The following CPZ variants were observed in gnomAD, a reference collection of about 807,000 sequenced individuals.
CPZ encodes VEZT/CPZ fusion.
CPZ carries 103 observed loss-of-function variants against 61.8 expected under a neutral mutation model. The observed-to-expected ratio is 1.67, with a 90% CI of 1.42 to 1.96. CPZ has a LOEUF of 1.96. Among genes scored for constraint, CPZ ranks in the 30% most tolerant of loss-of-function variants. CPZ has a pLI of 0.00. For missense variants in CPZ, 1,461 were observed against 914.9 expected (o/e 1.60, Z -7.70); for synonymous variants, 551 against 373.7 (o/e 1.47, Z -5.47).
At chr4:8,611,173 C>G in intron 7 of CPZ, 1 of 444,520 alleles carries the variant, frequency 2.2e-6, no homozygotes, top group South Asian at 1.6e-5. Context: ...AGGGAGCCCC[C>G]TCCTCAGCAC....
chr4:8,599,739 C>A, intron 2 of CPZ: 1 of 811,052 alleles, frequency 1.2e-6, no homozygotes, highest in Non-Finnish European at 1.8e-6. Context: ...ATGTCCTCTC[C>A]ATCCCTCTCC....
intron 9 of CPZ, among the ~76,000 whole-genome samples, chr4:8,617,501 A>T (rs1350375212): frequency 1.3e-5 from 2 of 152,210 alleles, no homozygotes; most frequent in Non-Finnish European, 2.9e-5. Flanking sequence ...ACAACAGTCG[A>T]CATAAAGATG....
chr4:8,617,108 T>G (rs6835706), intron 9 of CPZ, among the ~76,000 whole-genome samples: 40,701 of 152,030 alleles, frequency 0.27, 5,820 homozygotes, highest in East Asian at 0.43. Flanking sequence ...AGCAGTTAGG[T>G]GCCACAGGGT....
chr4:8,593,954 C>A (rs1209920817), intron 1 of CPZ, among the ~76,000 whole-genome samples: 2 of 152,170 alleles, frequency 1.3e-5, no homozygotes, highest in Non-Finnish European at 2.9e-5. Flanking sequence ...TGGGCCTCCC[C>A]TTGGCCCCTG....
chr4:8,609,168 TCACCCATTCACTCAGG>T (rs1715369871), intron 7 of CPZ, among the ~76,000 whole-genome samples: 2 of 42,402 alleles, frequency 4.7e-5, no homozygotes, highest in Middle Eastern at 0.012. Context: ...ACTCATTCAC[TCACCCATTCACTCAGG>T]CATTCACTCA....
At chr4:8,598,750 C>T (rs1413591600) in intron 1 of CPZ, among the ~76,000 whole-genome samples, 1 of 152,270 alleles carries the variant, frequency 6.6e-6, no homozygotes, top group African/African-American at 2.4e-5. Flanking sequence ...TAGCAGCCAG[C>T]ATTGCTTAGG....
At chr4:8,605,350 T>TC (rs869174559) in intron 4 of CPZ, among the ~76,000 whole-genome samples, 5 of 21,410 alleles carry the variant, frequency 2.3e-4, no homozygotes, top group Non-Finnish European at 4.1e-4. Context: ...ATCCATCCAT[T>TC]TATTCATTCA....
intron 10 of CPZ, 148 bp from the exon 11 acceptor site, chr4:8,619,114 G>A (rs1392944395): frequency 3.0e-6 from 2 of 660,594 alleles, no homozygotes; most frequent in Non-Finnish European, 2.6e-6. Context: ...AAAGGGGTGG[G>A]AAGGACGTTC....
In CPZ at chr4:8,601,186, C is replaced by T. The variant is rs772695976; in HGVS notation, c.185C>T (p.Pro62Leu). 6.2e-7 allele frequency: 1 copy of T among 1,611,674 alleles called. No individual in the cohort carries two copies. Among genetic ancestry groups the T allele is most frequent in the Non-Finnish European group, 8.5e-7 (1 of 1,178,710 alleles). The change falls in exon 3 of 11, where the codon CCC becomes CTC. Residue 62 changes from proline (P) to leucine (L), a missense_variant. Physicochemically the swap from Pro to Leu is moderately conservative, Grantham distance 98. Coordinates refer to ENST00000360986, the MANE Select transcript of CPZ (RefSeq NM_001014447.3). ...SDAAYNHTTF[P>L]NLLQHRSWEV... ...GCCGCCTACAACCACACCACCTTCC[C>T]CAACCTGCTTCAGCACCGGTCGTGG...
intron 8 of CPZ, 50 bp from the exon 9 acceptor site, chr4:8,614,309 G>T (rs1427091530): frequency 3.2e-6 from 5 of 1,584,754 alleles, no homozygotes; most frequent in Non-Finnish European, 4.3e-6. Context: ...CGTCCCGGCT[G>T]TCTCTGTGCG....
intron 8 of CPZ, among the ~76,000 whole-genome samples, chr4:8,613,495 C>G (rs1164414375): frequency 6.6e-6 from 1 of 152,174 alleles, no homozygotes; most frequent in African/African-American, 2.4e-5. Flanking sequence ...GCTAGCTGGA[C>G]CAGAGAGACG....
At chr4:8,616,447 T>A (rs563271077) in intron 9 of CPZ, among the ~76,000 whole-genome samples, 8 of 152,212 alleles carry the variant, frequency 5.3e-5, no homozygotes, top group Admixed American at 1.3e-4. Context: ...GGAGAGCCCC[T>A]GCTCTCGGGT....
At chr4:8,605,595 T>TGATATATCC (rs1714908544) in intron 4 of CPZ, among the ~76,000 whole-genome samples, 1 of 103,492 alleles carries the variant, frequency 9.7e-6, no homozygotes, top group Non-Finnish European at 1.8e-5. Context: ...AGCCAGCCAT[T>TGATATATCC]ATTCATCCAT....
At chr4:8,599,233 A>G (rs566487777) in intron 1 of CPZ, among the ~76,000 whole-genome samples, 110 of 152,302 alleles carry the variant, frequency 7.2e-4, no homozygotes, top group African/African-American at 2.6e-3. Context: ...GTCTGTCCTT[A>G]GGCAGGTCAT....
chr4:8,598,921 C>T (rs1317454119), intron 1 of CPZ, among the ~76,000 whole-genome samples: 5 of 152,186 alleles, frequency 3.3e-5, no homozygotes, highest in South Asian at 2.1e-4. Context: ...GAGGCCACAC[C>T]CTGGTGGTGT....
chr4:8,618,165 G>C, intron 9 of CPZ: 2 of 481,032 alleles, frequency 4.2e-6, no homozygotes, highest in South Asian at 2.2e-5. Flanking sequence ...TAGAGATGGA[G>C]TCAGCCAGGC....
At chr4:8,608,688 G>A (rs1043615470) in intron 7 of CPZ, among the ~76,000 whole-genome samples, 1 of 141,416 alleles carries the variant, frequency 7.1e-6, no homozygotes, top group East Asian at 2.1e-4. Context: ...GTTGGGGTGG[G>A]GAACCCCCAG....
intron 3 of CPZ, chr4:8,601,843 A>T (rs761390913): frequency 2.3e-5 from 5 of 221,976 alleles, no homozygotes; most frequent in Non-Finnish European, 4.4e-5. Context: ...GCCTGGGCTC[A>T]GAGTGCAGGG....
intron 6 of CPZ, 123 bp from the exon 7 acceptor site, chr4:8,607,144 G>GTTGA: frequency 8.1e-7 from 1 of 1,239,468 alleles, no homozygotes; most frequent in Non-Finnish European, 1.1e-6. Flanking sequence ...CAGCTGGTGC[G>GTTGA]TTGATGTAGA....
Sources: gnomAD v4.1 joint callset for allele counts (sites outside exome capture counted in the v4.1 genomes callset) on GRCh38, gnomAD v4.1.1 for gene constraint, MANE v1.5 for transcripts, NCBI Gene and HGNC (gene_info 2026-07-23, HGNC 2026-07-21) for gene names.